NHSL2: variants seen among roughly 807,000 people sequenced by gnomAD.
The protein encoded by NHSL2 is NHS-like protein 2.
NHSL2 carries 27 observed loss-of-function variants against 53.4 expected under a neutral mutation model. That is an observed-to-expected ratio of 0.51 (90% confidence interval 0.37 to 0.70). The LOEUF (loss-of-function observed/expected upper bound fraction) is 0.70, where lower values mean the gene tolerates loss of function less well. NHSL2 is among the 30% of genes least tolerant of loss of function. The probability of loss-of-function intolerance (pLI) is 0.00; values close to 1 mark genes in which losing one functional copy is unlikely to be tolerated. For synonymous variants in NHSL2, 408 were observed against 404.1 expected (o/e 1.01, Z -0.12); for missense variants, 892 against 980.1 (o/e 0.91, Z 1.20).
rs763367662 is a variant in NHSL2 at position 72,043,795 on chromosome X, G to A, written c.281-88284G>A. 1.3e-4 allele frequency among the ~76,000 whole-genome samples: 15 copies of A among 111,599 alleles called. 1 individual carries two copies. The South Asian group carries it at 5.6e-3, about 42-fold the overall frequency. On this transcript the variant is annotated intron_variant, in intron 1 of 7. Transcript: ENST00000633930. Reference sequence around the variant, plus strand: ...GAGCCCTTGTTTTTCCCCCTCTCCAGGCAACTGGAAATTCAAGTTTTAGGT... The same window carrying A: ...GAGCCCTTGTTTTTCCCCCTCTCCAAGCAACTGGAAATTCAAGTTTTAGGT...
chrX:72,019,688 A>T (rs917916991), intron 1 of NHSL2, among the ~76,000 whole-genome samples: 7 of 112,040 alleles, frequency 6.2e-5, no homozygotes, highest in Non-Finnish European at 1.1e-4. Context: ...CAAGGGCCAG[A>T]TGGAGGGTGA....
At chrX:72,023,584 T>G (rs2042170608) in intron 1 of NHSL2, among the ~76,000 whole-genome samples, 1 of 112,161 alleles carries the variant, frequency 8.9e-6, no homozygotes, top group Admixed American at 9.4e-5. Context: ...ACCTGAGTTT[T>G]GGTTTCAGCT....
intron 1 of NHSL2, among the ~76,000 whole-genome samples, chrX:72,097,037 A>T (rs2041949475): frequency 8.9e-6 from 1 of 112,232 alleles, no homozygotes; most frequent in Non-Finnish European, 1.9e-5. Flanking sequence ...TAGCCCTCCA[A>T]TTTTTGAATG....
At chrX:71,961,166 A>G (rs1198801496) in intron 1 of NHSL2, among the ~76,000 whole-genome samples, 1 of 111,487 alleles carries the variant, frequency 9.0e-6, no homozygotes, top group African/African-American at 3.3e-5. Context: ...TGTTTTCTTA[A>G]TGTCATTTTT....
At position 72,134,172 on chromosome X, in the gene NHSL2, C is replaced by A; in HGVS notation, c.518C>A (p.Pro173His). The A allele has an allele frequency of 2.6e-6, 3 of 1,167,814 alleles. No individual in the cohort carries two copies. The highest frequency in any genetic ancestry group is 2.3e-6 in the Non-Finnish European group (2 of 872,543). The change falls in exon 3 of 8, where the codon CCC (proline) becomes CAC (histidine). Residue 173 changes from proline (P) to histidine (H), a missense_variant. Transcript: ENST00000633930. The stretch of plus-strand genomic sequence containing the variant: ...TCTGATGAGGCCACTAAGCCCACCC[C>A]CAACCCAAGGCCCCAGTCTGCCAGG... ...RSSDEATKPTPNPRPQSARRL... is the reference protein window; with the variant it reads ...RSSDEATKPTHNPRPQSARRL...
intron 1 of NHSL2, chrX:72,129,480 G>A (rs950632157): frequency 4.8e-6 from 1 of 209,135 alleles, no homozygotes; most frequent in African/African-American, 2.9e-5. Context: ...AAGAAACGCA[G>A]GAGAGGTGAG....
At chrX:72,056,288 A>G (rs1174852716) in intron 1 of NHSL2, among the ~76,000 whole-genome samples, 1 of 112,282 alleles carries the variant, frequency 8.9e-6, no homozygotes, top group East Asian at 2.8e-4. Context: ...GATGTGCATC[A>G]AAACATTGGT....
intron 1 of NHSL2, among the ~76,000 whole-genome samples, chrX:72,110,729 A>G (rs1431057362): frequency 1.3e-4 from 1 of 7,739 alleles, no homozygotes; most frequent in African/African-American, 1.9e-4. Flanking sequence ...CCACCTAAAA[A>G]AAAAAAAAAA....
chrX:72,023,546 T>C (rs1219465224), intron 1 of NHSL2, among the ~76,000 whole-genome samples: 1 of 112,408 alleles, frequency 8.9e-6, no homozygotes, highest in Non-Finnish European at 1.9e-5. Flanking sequence ...AACTAAGCTT[T>C]CTAGCCCTCA....
intron 1 of NHSL2, among the ~76,000 whole-genome samples, chrX:72,080,577 TG>T (rs2041782993): frequency 1.0e-5 from 1 of 98,681 alleles, no homozygotes. Flanking sequence ...TGCACGTGTG[TG>T]TGTGTGTGTG....
intron 1 of NHSL2, among the ~76,000 whole-genome samples, chrX:71,952,070 T>C (rs1421662198): frequency 1.8e-5 from 2 of 112,321 alleles, no homozygotes; most frequent in Non-Finnish European, 3.8e-5. Flanking sequence ...CTGGTCCTCC[T>C]TCTATGCAAA....
chrX:72,137,206 C>A lies in NHSL2; in HGVS notation c.873C>A (p.Asn291Lys). The A allele has an allele frequency of 8.6e-7, 1 of 1,166,817 alleles. No homozygotes were observed. Among genetic ancestry groups the A allele is most frequent in the African/African-American group, 1.8e-5 (1 of 56,266 alleles). ...GGCGGACCATTATTGGATTCTCTAA[C>A]TTTTCCCAGCGAGACCAAGGTGACC... ...RRRRTIIGFS[N>K]FSQRDQGHSN... is the part of the protein sequence containing the mutation. Residue 291 changes from asparagine to lysine, a missense_variant, in exon 5 of 8, where the codon AAC (asparagine) becomes AAA (lysine). Asn to Lys is a moderately conservative substitution (Grantham distance 94). Coordinates refer to ENST00000633930, the MANE Select transcript of NHSL2 (RefSeq NM_001013627.3).
intron 1 of NHSL2, among the ~76,000 whole-genome samples, chrX:71,923,631 C>A (rs1421626549): frequency 8.9e-6 from 1 of 112,023 alleles, no homozygotes; most frequent in Non-Finnish European, 1.9e-5. Context: ...GGCTTTAACT[C>A]GCCCCATCTG....
intron 1 of NHSL2, among the ~76,000 whole-genome samples, chrX:72,116,903 T>C (rs921311981): frequency 2.7e-5 from 3 of 111,913 alleles, no homozygotes; most frequent in Non-Finnish European, 5.6e-5. Context: ...AGTCTGACTA[T>C]TTTTTGAGAG....
At chrX:71,982,234 T>TAC (rs1258274479) in intron 1 of NHSL2, among the ~76,000 whole-genome samples, 2 of 112,283 alleles carry the variant, frequency 1.8e-5, no homozygotes, top group Admixed American at 9.4e-5. Flanking sequence ...AAAGCCCATA[T>TAC]ACTGTATGAT....
At chrX:72,098,580 CAA>C (rs59018262) in intron 1 of NHSL2, among the ~76,000 whole-genome samples, 176 of 51,408 alleles carry the variant, frequency 3.4e-3, no homozygotes, top group African/African-American at 0.01. Context: ...GACTCCGTCT[CAA>C]AAAAAAAAAA....
intron 3 of NHSL2, 83 bp downstream of exon 3, chrX:72,134,301 A>G: frequency 9.7e-7 from 1 of 1,030,250 alleles, no homozygotes; most frequent in Non-Finnish European, 1.3e-6. Flanking sequence ...TACCCACTGG[A>G]AGCTGCTCAG....
chrX:71,997,668 T>A (rs2042055535), intron 1 of NHSL2, among the ~76,000 whole-genome samples: 1 of 111,962 alleles, frequency 8.9e-6, no homozygotes, highest in Admixed American at 9.4e-5. Flanking sequence ...TTACTTAGCC[T>A]CTGTGCCTCA....
chrX:72,046,082 C>A (rs1342791171), intron 1 of NHSL2, among the ~76,000 whole-genome samples: 1 of 112,292 alleles, frequency 8.9e-6, no homozygotes, highest in African/African-American at 3.2e-5. Context: ...CAGAGGGGCT[C>A]ACCCGCATTG....
Sources: gnomAD v4.1 joint callset for allele counts (sites outside exome capture counted in the v4.1 genomes callset) on GRCh38, gnomAD v4.1.1 for gene constraint, MANE v1.5 for transcripts, NCBI Gene and HGNC (gene_info 2026-07-23, HGNC 2026-07-21) for gene names.